RBFOX1: variants seen among roughly 807,000 people sequenced by gnomAD.
The protein encoded by RBFOX1 is RNA binding fox-1 homolog 1, also known as RNA binding protein fox-1 homolog 1.
A neutral mutation model predicts 57.7 loss-of-function variants in RBFOX1; 8 were observed. The ratio of observed to expected loss-of-function variants is 0.14; its 90% confidence interval spans 0.08 to 0.25. RBFOX1 has a LOEUF of 0.25. Among genes scored for constraint, RBFOX1 ranks in the 10% least tolerant of loss-of-function variants. RBFOX1 has a pLI of 1.00. For synonymous variants in RBFOX1, 326 were observed against 222.4 expected (o/e 1.47, Z -4.15); for missense variants, 611 against 548.5 (o/e 1.11, Z -1.14).
At chr16:7,035,883 G>GAC (rs34773276) in intron 3 of RBFOX1, among the ~76,000 whole-genome samples, 16,310 of 151,128 alleles carry the variant, frequency 0.11, 1,060 homozygotes, top group Middle Eastern at 0.19. Flanking sequence ...TGTGAACACA[G>GAC]ACACACACAC....
At chr16:7,530,561 G>C (rs1021064895) in intron 5 of RBFOX1, among the ~76,000 whole-genome samples, 3 of 151,664 alleles carry the variant, frequency 2.0e-5, no homozygotes, top group Non-Finnish European at 4.4e-5. Flanking sequence ...CCTGGTGGTT[G>C]TATCAATGGG....
At chr16:5,494,304 T>C (rs74004334) in intron 2 of RBFOX1, among the ~76,000 whole-genome samples, 2,636 of 152,318 alleles carry the variant, frequency 0.017, 51 homozygotes, top group African/African-American at 0.046. Flanking sequence ...GCAGCGTATG[T>C]GACCTTGAGC....
In RBFOX1 at chr16:6,411,833, C is replaced by T. The variant is rs534821036; in HGVS notation, c.-64+94776C>T. ...TGATTAAAATATTTTCTCAATAAAA[C>T]AATCAAAACATGGCCCTTGGCCAGG... On this transcript the variant is annotated intron_variant, in intron 2 of 15. Coordinates refer to ENST00000550418, the MANE Select transcript of RBFOX1 (RefSeq NM_018723.4). Among the ~76,000 whole-genome samples the T allele has an allele frequency of 5.3e-5, 8 of 152,254 alleles. No individual in the cohort carries two copies. The East Asian group carries it at 1.5e-3, about 29-fold the overall frequency.
chr16:7,203,846 G>A (rs2089296929), intron 4 of RBFOX1, among the ~76,000 whole-genome samples: 1 of 152,200 alleles, frequency 6.6e-6, no homozygotes, highest in African/African-American at 2.4e-5. Context: ...GATTTAACCA[G>A]AAATCTAAGT....
At chr16:5,644,238 T>C (rs1015798202) in intron 3 of RBFOX1, among the ~76,000 whole-genome samples, 2 of 152,200 alleles carry the variant, frequency 1.3e-5, no homozygotes, top group African/African-American at 4.8e-5. Context: ...ATTGGGGCTC[T>C]AATTAAATAG....
chr16:6,665,411 G>A (rs1290236037), intron 3 of RBFOX1, among the ~76,000 whole-genome samples: 3 of 152,028 alleles, frequency 2.0e-5, no homozygotes, highest in Admixed American at 6.6e-5. Context: ...GTCAAGAGTT[G>A]GAGACCAGCC....
intron 1 of RBFOX1, among the ~76,000 whole-genome samples, chr16:5,283,378 A>G (rs1421767119): frequency 1.3e-5 from 2 of 152,174 alleles, no homozygotes; most frequent in African/African-American, 2.4e-5. Context: ...TCCAGACCCC[A>G]GAATGGTGGA....
intron 3 of RBFOX1, among the ~76,000 whole-genome samples, chr16:6,886,384 G>A (rs1463820282): frequency 6.6e-6 from 1 of 151,984 alleles, no homozygotes; most frequent in Admixed American, 6.6e-5. Context: ...TTACGTGTGT[G>A]TCACCATTGA....
chr16:6,829,679 A>G (rs930188504), intron 3 of RBFOX1, among the ~76,000 whole-genome samples: 2 of 151,940 alleles, frequency 1.3e-5, no homozygotes, highest in Non-Finnish European at 2.9e-5. Flanking sequence ...TTGGCTCACT[A>G]CAACCTCCGT....
chr16:6,795,360 G>A (rs1001149371), intron 3 of RBFOX1, among the ~76,000 whole-genome samples: 12 of 152,076 alleles, frequency 7.9e-5, no homozygotes, highest in South Asian at 2.1e-4. Context: ...CATTTCACCC[G>A]AGTCCACAAC....
At chr16:7,488,425 T>C (rs2065987730) in intron 4 of RBFOX1, among the ~76,000 whole-genome samples, 1 of 102,076 alleles carries the variant, frequency 9.8e-6, no homozygotes, top group Non-Finnish European at 2.1e-5. Context: ...TGCCTGTCTA[T>C]CTGCTATCAT....
intron 15 of RBFOX1, 115 bp from the exon 16 acceptor site, chr16:7,710,508 G>A (rs377021672): frequency 7.0e-6 from 11 of 1,568,594 alleles, no homozygotes; most frequent in Middle Eastern, 1.7e-4. Flanking sequence ...TGGGTAGGGG[G>A]TGCCTCCATT....
intron 4 of RBFOX1, among the ~76,000 whole-genome samples, chr16:7,115,900 C>T (rs2065805326): frequency 6.6e-6 from 1 of 152,172 alleles, no homozygotes; most frequent in Non-Finnish European, 1.5e-5. Context: ...CATAAAATAG[C>T]AGTGATGCGT....
chr16:6,553,260 T>G (rs1018598539), intron 2 of RBFOX1, among the ~76,000 whole-genome samples: 1 of 152,214 alleles, frequency 6.6e-6, no homozygotes, highest in African/African-American at 2.4e-5. Flanking sequence ...ATCAATAGTT[T>G]CCATGAAGTT....
chr16:6,915,902 G>C (rs2073045449), intron 3 of RBFOX1, among the ~76,000 whole-genome samples: 1 of 152,124 alleles, frequency 6.6e-6, no homozygotes, highest in African/African-American at 2.4e-5. Context: ...CATGTTCCGT[G>C]AAAGGGCCGT....
Position 5,397,318 on chromosome 16 carries a change from G to T in RBFOX1, c.220-69898G>T, listed in dbSNP as rs1018753989. On this transcript the variant is annotated intron_variant, in intron 1 of 2. Transcript: ENST00000585867. ...TCCTTCTGGAGTGGCAGCCCCTCTG[G>T]GTCCTGAAAAGCTCTGGATGGTCTT... is the stretch of plus-strand genomic sequence containing the variant. Among the ~76,000 whole-genome samples, 22 of 152,256 alleles carry T rather than the reference G, an allele frequency of 1.4e-4. No homozygotes were observed. In the South Asian group the frequency reaches 1.9e-3, roughly 13 times the overall value.
intron 2 of RBFOX1, among the ~76,000 whole-genome samples, chr16:6,447,347 T>TC: frequency 6.6e-6 from 1 of 152,310 alleles, no homozygotes; most frequent in East Asian, 1.9e-4. Context: ...GCCTAACAGA[T>TC]CCCTCAAGAC....
At chr16:5,540,042 T>C (rs2044868246) in intron 2 of RBFOX1, among the ~76,000 whole-genome samples, 1 of 152,196 alleles carries the variant, frequency 6.6e-6, no homozygotes, top group Non-Finnish European at 1.5e-5. Flanking sequence ...CTGCCAATCT[T>C]CTGGGAGGGA....
intron 2 of RBFOX1, among the ~76,000 whole-genome samples, chr16:6,453,755 G>T (rs2094693165): frequency 6.6e-6 from 1 of 152,176 alleles, no homozygotes; most frequent in South Asian, 2.1e-4. Flanking sequence ...AGCCCCATGT[G>T]ACTGTTTAAA....
Sources: allele counts gnomAD v4.1 joint callset (sites outside exome capture counted in the v4.1 genomes callset), GRCh38; gene constraint gnomAD v4.1.1; transcripts MANE v1.5; gene names NCBI Gene and HGNC (gene_info 2026-07-23, HGNC 2026-07-21).